The following FAM20A variants were observed in gnomAD, a reference collection of about 807,000 sequenced individuals.
FAM20A encodes pseudokinase FAM20A.
In FAM20A, 42 loss-of-function variants were observed where a neutral mutation model predicts 52.0. That is an observed-to-expected ratio of 0.81 (90% CI 0.63 to 1.04). FAM20A has a LOEUF of 1.04. FAM20A is among the 50% of genes least tolerant of loss of function. The pLI, the probability that FAM20A is intolerant of heterozygous loss-of-function variation, is 0.00. For missense variants in FAM20A, 742 were observed against 712.7 expected, an observed-to-expected ratio of 1.04 and a Z score of -0.47; for synonymous variants, 304 against 298.9, an observed-to-expected ratio of 1.02 and a Z score of -0.18.
Position 68,600,347 on chromosome 17 carries a change from G to T in FAM20A, c.320C>A (p.Pro107Gln), listed in dbSNP as rs938214022. ...CGAGTCCTCGGCTCCCAGGAGAGGC[G>T]GCTCCTCCGGGACGTTGTACAGCGG... ...AHPLYNVPEE[P>Q]PLLGAEDSLL... The change falls in exon 1 of 11, where the codon CCG becomes CAG. Residue 107 changes from proline to glutamine, a missense_variant. Coordinates refer to ENST00000592554, the MANE Select transcript of FAM20A (RefSeq NM_017565.4). The surrounding 1 kb of genome is among the most constrained non-coding windows in gnomAD (Gnocchi z 6.2). 3.1e-6 allele frequency: 5 copies of T among 1,598,076 alleles called. No homozygotes were observed. The African/African-American group carries it at 5.4e-5, about 17-fold the overall frequency.
intron 1 of FAM20A, among the ~76,000 whole-genome samples, chr17:68,575,506 T>A (rs1454347877): frequency 5.7e-4 from 62 of 109,490 alleles, no homozygotes; most frequent in Admixed American, 9.8e-4. Context: ...ATATTAGATA[T>A]TATATATTTT....
chr17:68,563,258 C>CAT (rs1400413837), intron 1 of FAM20A, among the ~76,000 whole-genome samples: 1 of 151,792 alleles, frequency 6.6e-6, no homozygotes, highest in African/African-American at 2.4e-5. Context: ...TGGTGGCAGG[C>CAT]GCCTGTAATC....
At chr17:68,574,739 A>G (rs1227222803) in intron 1 of FAM20A, among the ~76,000 whole-genome samples, 1 of 152,148 alleles carries the variant, frequency 6.6e-6, no homozygotes, top group Admixed American at 6.5e-5. Context: ...CAAGAGCTCT[A>G]TTTGGCATTC....
chr17:68,563,957 A>G (rs1025236059), intron 1 of FAM20A, among the ~76,000 whole-genome samples: 15 of 152,084 alleles, frequency 9.9e-5, no homozygotes, highest in African/African-American at 3.4e-4. Flanking sequence ...CCATAGTTCG[A>G]CCCCTGCTGT....
chr17:68,550,639 C>G (rs1294581426), intron 4 of FAM20A, among the ~76,000 whole-genome samples: 2 of 152,144 alleles, frequency 1.3e-5, no homozygotes, highest in Non-Finnish European at 2.9e-5. Context: ...CCTTGGCCTA[C>G]CAAAGTACTG....
At chr17:68,570,203 G>A (rs756138498) in intron 1 of FAM20A, among the ~76,000 whole-genome samples, 1 of 152,094 alleles carries the variant, frequency 6.6e-6, no homozygotes, top group African/African-American at 2.4e-5. Flanking sequence ...AGCCTCCTGA[G>A]TAGCTGGGAT....
intron 1 of FAM20A, among the ~76,000 whole-genome samples, chr17:68,572,734 T>TTTTA (rs781335091): frequency 6.9e-4 from 105 of 152,274 alleles, no homozygotes; most frequent in African/African-American, 1.7e-3. Context: ...TTCTTTTTAA[T>TTTTA]TTTATTTATT....
At chr17:68,577,934 T>C (rs1392352417) in intron 1 of FAM20A, among the ~76,000 whole-genome samples, 2 of 152,300 alleles carry the variant, frequency 1.3e-5, no homozygotes, top group Non-Finnish European at 1.5e-5. Context: ...TTTATTTAAA[T>C]GTCATCATTG....
At chr17:68,599,075 G>T (rs1253157234) in intron 1 of FAM20A, among the ~76,000 whole-genome samples, 1 of 152,150 alleles carries the variant, frequency 6.6e-6, no homozygotes, top group Non-Finnish European at 1.5e-5. Context: ...CAGTGATTCA[G>T]CCAACAACTC....
At chr17:68,588,453 A>G (rs1448441661) in intron 1 of FAM20A, among the ~76,000 whole-genome samples, 2 of 152,220 alleles carry the variant, frequency 1.3e-5, no homozygotes, top group Non-Finnish European at 2.9e-5. Flanking sequence ...CCTCTGTTTT[A>G]GTTTTCTAGG....
At chr17:68,577,444 C>T (rs769160827) in intron 1 of FAM20A, among the ~76,000 whole-genome samples, 5 of 152,130 alleles carry the variant, frequency 3.3e-5, no homozygotes, top group East Asian at 1.9e-4. Flanking sequence ...CCACTGGGGG[C>T]GATTTTACCC....
Position 68,554,757 on chromosome 17 carries a change from G to T in FAM20A, c.640+20C>A. Reference sequence around the variant, plus strand: ...TGTGAGGGTGAAGAGGCTGGGTGGGGGTGGGGCTAGGTCACTTACTCTGGG... The same window carrying T: ...TGTGAGGGTGAAGAGGCTGGGTGGGTGTGGGGCTAGGTCACTTACTCTGGG... On this transcript the variant is annotated intron_variant, in intron 3 of 10. Transcript: ENST00000592554. 1 of 1,613,040 alleles carries T rather than the reference G, an allele frequency of 6.2e-7. No individual in the cohort carries two copies. The highest frequency in any genetic ancestry group is 1.7e-5 in the Admixed American group (1 of 59,990).
chr17:68,539,304 C>T, intron 10 of FAM20A, 33 bp downstream of exon 10: 2 of 1,612,270 alleles, frequency 1.2e-6, no homozygotes, highest in Non-Finnish European at 1.7e-6. Context: ...ACAACTGTTA[C>T]TTGCCCGTAT....
At chr17:68,567,059 A>T (rs1277003650) in intron 1 of FAM20A, among the ~76,000 whole-genome samples, 1 of 151,818 alleles carries the variant, frequency 6.6e-6, no homozygotes, top group Non-Finnish European at 1.5e-5. Flanking sequence ...CCACCGCCCT[A>T]GCTTCAATGA....
chr17:68,568,412 G>A (rs921656029), intron 1 of FAM20A, among the ~76,000 whole-genome samples: 1 of 151,792 alleles, frequency 6.6e-6, no homozygotes, highest in Non-Finnish European at 1.5e-5. Context: ...AGCTTGCAGT[G>A]AGCGGAGATC....
intron 1 of FAM20A, among the ~76,000 whole-genome samples, chr17:68,596,257 A>G (rs958841378): frequency 4.6e-5 from 7 of 152,180 alleles, no homozygotes; most frequent in African/African-American, 1.7e-4. Flanking sequence ...TTGCAAGACA[A>G]TATAACCTTC....
chr17:68,538,470 T>C (rs2086159941), intron 10 of FAM20A, among the ~76,000 whole-genome samples: 1 of 152,228 alleles, frequency 6.6e-6, no homozygotes, highest in Non-Finnish European at 1.5e-5. Flanking sequence ...GAATATCATA[T>C]TTATAATTAG....
rs1309600295 is a variant in FAM20A, at chr17:68,536,559, C to T, written c.*918G>A. Reference sequence around the variant, plus strand: ...GGGAGGGGCATCTAGAGGGCCTCACCTTTCCACATAGCCCCTTTCTTCTTT... The same window carrying T: ...GGGAGGGGCATCTAGAGGGCCTCACTTTTCCACATAGCCCCTTTCTTCTTT... On this transcript the variant is annotated 3_prime_UTR_variant, in exon 11 of 11. Transcript: ENST00000592554. 2.2e-6 allele frequency: 1 copy of T among 454,040 alleles called. No individual in the cohort carries two copies. Among genetic ancestry groups the T allele is most frequent in the South Asian group, 1.6e-5 (1 of 64,458 alleles). 28.1% of individuals were successfully genotyped at this position (454,040 alleles called of 1,614,324 possible).
Position 68,580,955 on chromosome 17 carries a change from A to G in FAM20A, c.404+19308T>C, listed in dbSNP as rs979483237. 4.6e-5 allele frequency among the ~76,000 whole-genome samples: 7 copies of G among 152,354 alleles called. No homozygotes were observed. The East Asian group carries it at 1.3e-3, about 29-fold the overall frequency. The stretch of plus-strand genomic sequence containing the variant: ...GGCAGCGTTGCGATGACACCCGAGT[A>G]TGACATCTGAATATGTGTAAGATAC... On this transcript the variant is annotated intron_variant, in intron 1 of 10. Coordinates refer to ENST00000592554, the MANE Select transcript of FAM20A (RefSeq NM_017565.4).
Sources: allele counts gnomAD v4.1 joint callset (sites outside exome capture counted in the v4.1 genomes callset), GRCh38; gene constraint gnomAD v4.1.1; non-coding constraint Gnocchi (gnomAD v3.1); transcripts MANE v1.5; gene names NCBI Gene and HGNC (gene_info 2026-07-23, HGNC 2026-07-21).